The following TMC1 variants were observed in gnomAD, a reference collection of about 807,000 sequenced individuals.
The protein encoded by TMC1 is transmembrane channel-like protein 1.
Under a neutral mutation model 105.8 loss-of-function variants are expected in TMC1, and 84 were observed. The observed-to-expected ratio is 0.79, with a 90% CI of 0.67 to 0.95. The LOEUF is 0.95. Ranked by LOEUF, TMC1 falls within the 40% of genes least tolerant of loss-of-function variation. The pLI, the probability that TMC1 is intolerant of heterozygous loss-of-function variation, is 0.00. For synonymous variants in TMC1, 315 were observed against 311.5 expected, an observed-to-expected ratio of 1.01 and a Z score of -0.12; for missense variants, 817 against 914.1, an observed-to-expected ratio of 0.89 and a Z score of 1.37.
intron 10 of TMC1, among the ~76,000 whole-genome samples, chr9:72,743,803 C>G (rs761957388): frequency 6.6e-6 from 1 of 151,992 alleles, no homozygotes; most frequent in Non-Finnish European, 1.5e-5. Flanking sequence ...GGCAAGTAAA[C>G]ATTTTAAAAT....
chr9:72,767,189 C>A (rs574007413), intron 12 of TMC1, among the ~76,000 whole-genome samples: 1 of 152,206 alleles, frequency 6.6e-6, no homozygotes, highest in Non-Finnish European at 1.5e-5. Flanking sequence ...CTTGCAGTGT[C>A]ACCTCCCCTC....
At chr9:72,725,927 T>C (rs2117964888) in intron 8 of TMC1, among the ~76,000 whole-genome samples, 1 of 152,116 alleles carries the variant, frequency 6.6e-6, no homozygotes, top group African/African-American at 2.4e-5. Flanking sequence ...CCTGACCTCG[T>C]GATCCACCCG....
At chr9:72,786,452 CAAAACA>C (rs372406384) in intron 13 of TMC1, among the ~76,000 whole-genome samples, 6 of 150,258 alleles carry the variant, frequency 4.0e-5, no homozygotes, top group African/African-American at 9.7e-5. Context: ...CAAACAAAAA[CAAAACA>C]AAAACAAAAA....
At chr9:72,662,372 T>A (rs1430045615) in intron 5 of TMC1, among the ~76,000 whole-genome samples, 1 of 150,760 alleles carries the variant, frequency 6.6e-6, no homozygotes, top group African/African-American at 2.4e-5. Flanking sequence ...TTTTTTTGTA[T>A]TTTTAGTAGA....
chr9:72,534,041 G>C (rs1043910958), intron 1 of TMC1, among the ~76,000 whole-genome samples: 1 of 152,122 alleles, frequency 6.6e-6, no homozygotes, highest in Non-Finnish European at 1.5e-5. Flanking sequence ...GCTGAGGCAG[G>C]AGAATCGCTT....
rs56349532 is a variant in TMC1 at position 72,816,333 on chromosome 9, G to A, written c.1763+123G>A. 0.1 allele frequency: 92,553 copies of A among 914,056 alleles called. 5,218 individuals are homozygous for A. The highest frequency in any genetic ancestry group is 0.13 in the Non-Finnish European group (72,066 of 561,600). 56.6% of individuals were successfully genotyped at this position (914,056 alleles called of 1,614,324 possible). ...GGTGTCTAACTCCATATTTACTTTT[G>A]CAAAGTGGATGCCTGTATATAGTTT... On this transcript the variant is annotated intron_variant, in intron 19 of 23. Transcript: ENST00000297784.
intron 4 of TMC1, chr9:72,628,439 A>G (rs1825388448): frequency 5.4e-6 from 1 of 184,436 alleles, no homozygotes; most frequent in East Asian, 1.5e-4. Context: ...AATCATGGCT[A>G]TGTGATAAAC....
chr9:72,729,593 A>G (rs1238606434), intron 8 of TMC1, among the ~76,000 whole-genome samples: 1 of 152,160 alleles, frequency 6.6e-6, no homozygotes, highest in Non-Finnish European at 1.5e-5. Flanking sequence ...TTTTTAGCCC[A>G]ATCTTCCAAT....
chr9:72,781,591 A>T (rs1008306499), intron 13 of TMC1, among the ~76,000 whole-genome samples: 6 of 152,056 alleles, frequency 3.9e-5, no homozygotes, highest in African/African-American at 1.5e-4. Flanking sequence ...AAGAAAAAAG[A>T]AGATTCAAAT....
At chr9:72,524,419 C>G (rs1823369496) in intron 1 of TMC1, among the ~76,000 whole-genome samples, 1 of 152,030 alleles carries the variant, frequency 6.6e-6, no homozygotes, top group Non-Finnish European at 1.5e-5. Flanking sequence ...GGTGTTTGAC[C>G]AATGTTTATT....
intron 7 of TMC1, among the ~76,000 whole-genome samples, chr9:72,699,209 C>T (rs915432696): frequency 8.6e-5 from 13 of 152,030 alleles, no homozygotes; most frequent in African/African-American, 2.9e-4. Context: ...ATTTTGTTTC[C>T]TTTGAGTTCT....
chr9:72,534,250 C>G (rs952827785), intron 1 of TMC1, among the ~76,000 whole-genome samples: 2 of 152,202 alleles, frequency 1.3e-5, no homozygotes, highest in African/African-American at 4.8e-5. Context: ...TGTTCTCTCT[C>G]TTCTCCAATT....
chr9:72,651,432 T>C (rs900145493), intron 5 of TMC1: 4 of 152,090 alleles, frequency 2.6e-5, no homozygotes, highest in African/African-American at 9.7e-5. Flanking sequence ...TTTAGCCAAG[T>C]CTGGAAGTAG....
At chr9:72,706,042 T>C (rs1422311305) in intron 8 of TMC1, among the ~76,000 whole-genome samples, 1 of 152,264 alleles carries the variant, frequency 6.6e-6, no homozygotes, top group African/African-American at 2.4e-5. Context: ...CCTTGATCTT[T>C]TCACACTTCT....
intron 2 of TMC1, among the ~76,000 whole-genome samples, chr9:72,584,845 C>T (rs1250930253): frequency 8.0e-5 from 11 of 137,548 alleles, no homozygotes; most frequent in Non-Finnish European, 1.4e-4. Context: ...AGTGCAGTGA[C>T]ACAATCTTGG....
chr9:72,833,315 A>C (rs527562840), intron 23 of TMC1, among the ~76,000 whole-genome samples: 22 of 152,316 alleles, frequency 1.4e-4, no homozygotes, highest in African/African-American at 3.8e-4. Flanking sequence ...TATATGTTTC[A>C]GTGATGCATT....
chr9:72,554,997 GTCT>G (rs1823906757), intron 1 of TMC1, among the ~76,000 whole-genome samples: 1 of 152,084 alleles, frequency 6.6e-6, no homozygotes, highest in Non-Finnish European at 1.5e-5. Context: ...TCCTGCCTCA[GTCT>G]TCTGAGTAGC....
chr9:72,613,947 G>T lies in TMC1; in HGVS notation c.-305-2421G>T, dbSNP rs1825078873. ...GTCCTTTTCATTATATTCTTCTGGG[G>T]CTCTATGTTTAAAACTAGATACTTT... On this transcript the variant is annotated intron_variant, in intron 2 of 23. Coordinates refer to ENST00000297784, the MANE Select transcript of TMC1 (RefSeq NM_138691.3). Among the ~76,000 whole-genome samples the T allele has an allele frequency of 2.0e-5, 3 of 152,118 alleles. No individual in the cohort carries two copies. In the South Asian group the frequency reaches 6.2e-4, roughly 32 times the overall value.
chr9:72,650,891 G>A (rs75369225), intron 5 of TMC1, among the ~76,000 whole-genome samples: 3 of 117,774 alleles, frequency 2.5e-5, no homozygotes, highest in Non-Finnish European at 5.3e-5. Context: ...TAGATATATA[G>A]ATATATATAT....
Sources: gnomAD v4.1 joint callset for allele counts (sites outside exome capture counted in the v4.1 genomes callset) on GRCh38, gnomAD v4.1.1 for gene constraint, MANE v1.5 for transcripts, NCBI Gene and HGNC (gene_info 2026-07-23, HGNC 2026-07-21) for gene names.